Variants in BANK1 observed in about 807,000 individuals in gnomAD.
The protein encoded by BANK1 is B cell scaffold protein with ankyrin repeats 1.
A neutral mutation model predicts 94.5 loss-of-function variants in BANK1; 95 were observed. That is an observed-to-expected ratio of 1.00 (90% CI 0.85 to 1.19). The LOEUF (loss-of-function observed/expected upper bound fraction) is 1.19, where lower values mean the gene tolerates loss of function less well. Ranked by LOEUF, BANK1 falls within the 50% of genes most tolerant of loss-of-function variation. BANK1 has a pLI of 0.00. For synonymous variants in BANK1, 334 were observed against 308.4 expected, an observed-to-expected ratio of 1.08 and a Z score of -0.87; for missense variants, 987 against 932.2, an observed-to-expected ratio of 1.06 and a Z score of -0.77.
intron 5 of BANK1, among the ~76,000 whole-genome samples, chr4:101,892,092 T>C (rs2148889775): frequency 6.6e-6 from 1 of 151,860 alleles, no homozygotes; most frequent in South Asian, 2.1e-4. Flanking sequence ...AAGTTGGACA[T>C]TTTATTTGTA....
At chr4:101,998,365 G>C (rs1038332366) in intron 7 of BANK1, among the ~76,000 whole-genome samples, 1 of 152,100 alleles carries the variant, frequency 6.6e-6, no homozygotes, top group Non-Finnish European at 1.5e-5. Context: ...AATAAGTGCG[G>C]TGTGGTGCTG....
chr4:102,061,826 G>A (rs1024339212), intron 12 of BANK1: 2 of 152,020 alleles, frequency 1.3e-5, no homozygotes, highest in African/African-American at 4.8e-5. Flanking sequence ...TAATAATAAG[G>A]TTATAATGGG....
At chr4:101,947,518 G>A (rs1331606918) in intron 7 of BANK1, among the ~76,000 whole-genome samples, 1 of 151,076 alleles carries the variant, frequency 6.6e-6, no homozygotes, top group Non-Finnish European at 1.5e-5. Flanking sequence ...AAACATAGAA[G>A]CTTGAAGTCT....
intron 7 of BANK1, among the ~76,000 whole-genome samples, chr4:101,999,925 G>A (rs767436326): frequency 2.0e-5 from 3 of 152,166 alleles, no homozygotes; most frequent in South Asian, 4.1e-4. Context: ...CTGAGACTTA[G>A]ACAAGTAGAG....
intron 4 of BANK1, among the ~76,000 whole-genome samples, chr4:101,864,186 T>G (rs1409701933): frequency 6.6e-6 from 1 of 152,194 alleles, no homozygotes; most frequent in Non-Finnish European, 1.5e-5. Flanking sequence ...ACTGTTGTAT[T>G]CTTTAAATTG....
chr4:101,867,324 A>G (rs1257039808), intron 4 of BANK1, among the ~76,000 whole-genome samples: 2 of 152,080 alleles, frequency 1.3e-5, no homozygotes, highest in African/African-American at 2.4e-5. Context: ...TATCCTTAAT[A>G]TAGAATGAAG....
intron 7 of BANK1, among the ~76,000 whole-genome samples, chr4:101,919,874 C>T (rs1257829442): frequency 6.6e-6 from 1 of 151,920 alleles, no homozygotes; most frequent in Non-Finnish European, 1.5e-5. Flanking sequence ...AATAATTTTG[C>T]AAGCTACGAA....
chr4:101,975,049 C>T (rs540371786), intron 7 of BANK1, among the ~76,000 whole-genome samples: 65 of 152,146 alleles, frequency 4.3e-4, no homozygotes, highest in African/African-American at 1.4e-3. Context: ...AATTGCTTAA[C>T]AAAAGAGAGA....
intron 10 of BANK1, among the ~76,000 whole-genome samples, chr4:102,035,430 C>G (rs569846983): frequency 6.6e-6 from 1 of 151,956 alleles, no homozygotes; most frequent in Non-Finnish European, 1.5e-5. Flanking sequence ...GGGCGGATCA[C>G]GAGGTCAGGA....
chr4:102,022,599 C>A (rs1416140262), intron 8 of BANK1, among the ~76,000 whole-genome samples: 1 of 152,076 alleles, frequency 6.6e-6, no homozygotes. Context: ...GGGAGGATTG[C>A]TACTGGTATT....
At chr4:102,051,955 C>CA (rs1178126338) in intron 11 of BANK1, among the ~76,000 whole-genome samples, 1 of 152,090 alleles carries the variant, frequency 6.6e-6, no homozygotes, top group Non-Finnish European at 1.5e-5. Context: ...CTGCATTAGA[C>CA]AAAACCTGCT....
At chr4:101,994,539 A>C (rs1176740056) in intron 7 of BANK1, among the ~76,000 whole-genome samples, 2 of 152,158 alleles carry the variant, frequency 1.3e-5, no homozygotes, top group Admixed American at 6.6e-5. Flanking sequence ...ATGTCAATTT[A>C]AGAAAAAGGA....
chr4:101,943,794 A>G (rs766811178), intron 7 of BANK1, among the ~76,000 whole-genome samples: 5 of 151,906 alleles, frequency 3.3e-5, no homozygotes, highest in Non-Finnish European at 7.4e-5. Flanking sequence ...AGCATTTTGT[A>G]TTCATTGTTA....
chr4:102,051,259 G>A (rs779051234), intron 11 of BANK1, among the ~76,000 whole-genome samples: 21 of 152,166 alleles, frequency 1.4e-4, no homozygotes, highest in Non-Finnish European at 2.6e-4. Flanking sequence ...TTGTCAAAAT[G>A]TGGTCATTTG....
At chr4:102,001,921 T>A (rs574777930) in intron 7 of BANK1, among the ~76,000 whole-genome samples, 5 of 152,302 alleles carry the variant, frequency 3.3e-5, no homozygotes, top group South Asian at 4.2e-4. Context: ...CTTAAGTAAT[T>A]CATACAGTGT....
At position 102,073,672 on chromosome 4, in the gene BANK1, A is replaced by AT. The variant is rs750446105; in HGVS notation, c.2299-4dup. 7.5e-6 allele frequency: 12 copies of AT among 1,606,842 alleles called. No homozygotes were observed. Among genetic ancestry groups the AT allele is most frequent in the East Asian group, 2.2e-5 (1 of 44,732 alleles). On this transcript the variant is annotated splice_polypyrimidine_tract_variant and intron_variant, in intron 15 of 16. Coordinates refer to ENST00000322953, the MANE Select transcript of BANK1 (RefSeq NM_017935.5). The stretch of plus-strand genomic sequence containing the variant: ...CGAGAAATACTAGCTCTATATCTTT[A>AT]TTTTTTTTCAGCTTCCTGCTCGACC...
In BANK1 at chr4:101,790,931, C is replaced by G. The variant is rs1022727058; in HGVS notation, c.51C>G (p.Pro17=). 6 of 1,529,648 alleles carry G rather than the reference C, an allele frequency of 3.9e-6. No homozygotes were observed. The highest frequency in any genetic ancestry group is 5.2e-6 in the Non-Finnish European group (6 of 1,143,928). The allele number at this position is 1,529,648 out of a possible 1,614,324, so 94.8% of individuals were successfully genotyped here. ...GKGLGSPDPA[P]CGPAPPGNTK... is the part of the protein sequence containing the mutation. The stretch of plus-strand genomic sequence containing the variant: ...GGCTTGGGAGCCCGGACCCCGCCCC[C>G]TGCGGCCCAGCGCCCCCAGGTGGGT... Residue 17 remains proline (P), a synonymous_variant, in exon 1 of 17, where the codon CCC becomes CCG. Transcript: ENST00000322953.
chr4:101,932,239 C>A (rs903946578), intron 7 of BANK1, among the ~76,000 whole-genome samples: 2 of 151,472 alleles, frequency 1.3e-5, no homozygotes, highest in Non-Finnish European at 1.5e-5. Context: ...CCCACTCTAA[C>A]CTTAATAAAC....
chr4:102,019,913 T>C (rs1325815850), intron 7 of BANK1, among the ~76,000 whole-genome samples: 1 of 152,186 alleles, frequency 6.6e-6, no homozygotes, highest in African/African-American at 2.4e-5. Flanking sequence ...TTTTTCTTAA[T>C]TTAGAGGCAG....
Sources: allele counts gnomAD v4.1 joint callset (sites outside exome capture counted in the v4.1 genomes callset), GRCh38; gene constraint gnomAD v4.1.1; transcripts MANE v1.5; gene names NCBI Gene and HGNC (gene_info 2026-07-23, HGNC 2026-07-21).